Variants in PCNX1 observed in about 807,000 individuals in gnomAD.
The protein encoded by PCNX1 is pecanex-like protein 1.
Under a neutral mutation model 242.2 loss-of-function variants are expected in PCNX1, and 78 were observed. The observed-to-expected ratio is 0.32, with a 90% CI of 0.27 to 0.39. PCNX1 has a LOEUF of 0.39. PCNX1 is among the 10% of genes least tolerant of loss of function. The pLI, the probability that PCNX1 is intolerant of heterozygous loss-of-function variation, is 1.00. For synonymous variants in PCNX1, 1,024 were observed against 1,032.9 expected, an observed-to-expected ratio of 0.99 and a Z score of 0.17; for missense variants, 2,581 against 2,856.5, an observed-to-expected ratio of 0.90 and a Z score of 2.20.
chr14:71,070,481 C>T (rs2061560634), intron 26 of PCNX1, among the ~76,000 whole-genome samples: 2 of 152,176 alleles, frequency 1.3e-5, no homozygotes, highest in Non-Finnish European at 2.9e-5. Context: ...TTGACAGTTG[C>T]AGTTATTTCT....
At chr14:71,054,535 T>C (rs907718088) in intron 24 of PCNX1, among the ~76,000 whole-genome samples, 1 of 152,200 alleles carries the variant, frequency 6.6e-6, no homozygotes, top group Non-Finnish European at 1.5e-5. Flanking sequence ...TTGCCAGTTG[T>C]TTTCCTTGAA....
intron 1 of PCNX1, 68 bp downstream of exon 1, chr14:70,908,071 CCCTCTTCCTCTTCCACGGGGTCTCGT>C (rs1238420642): frequency 2.8e-6 from 4 of 1,423,380 alleles, no homozygotes; most frequent in Non-Finnish European, 3.7e-6. Flanking sequence ...TGGGGTCGCG[CCCTCTTCCTCTTCCACGGGGTCTCGT>C]CCCCCGGGGG....
chr14:71,057,853 TAAAGAG>T (rs955201212), intron 26 of PCNX1, 129 bp downstream of exon 26: 67 of 700,964 alleles, frequency 9.6e-5, no homozygotes, highest in African/African-American at 8.5e-4. Flanking sequence ...GAAAAGTTGT[TAAAGAG>T]TAAGTATTAG....
At chr14:71,034,562 T>C (rs1244463894) in intron 18 of PCNX1, among the ~76,000 whole-genome samples, 1 of 152,200 alleles carries the variant, frequency 6.6e-6, no homozygotes, top group African/African-American at 2.4e-5. Context: ...TCTAATTTGG[T>C]GAATTGTAAT....
Position 71,102,133 on chromosome 14 carries a change from T to A in PCNX1, c.5733T>A (p.Leu1911=), listed in dbSNP as rs770201684. The A allele has an allele frequency of 6.2e-7, 1 of 1,614,120 alleles. No homozygotes were observed. The change falls in exon 31 of 36, where the codon CTT becomes CTA. Residue 1911 remains leucine (L), a synonymous_variant. Transcript: ENST00000304743. ...TACTTGCCAACTCTCCCTCCTTGCT[T>A]GCTCTGCGGCATGTCATGGATGATG... ...SAVLANSPSL[L]ALRHVMDDGT...
intron 19 of PCNX1, among the ~76,000 whole-genome samples, chr14:71,040,495 T>G (rs2141031192): frequency 6.6e-6 from 1 of 152,286 alleles, no homozygotes; most frequent in South Asian, 2.1e-4. Flanking sequence ...TTCATTAAAT[T>G]TGGAAAATTT....
chr14:70,917,957 CTT>C (rs1345188988), intron 1 of PCNX1, among the ~76,000 whole-genome samples: 1 of 152,110 alleles, frequency 6.6e-6, no homozygotes, highest in Non-Finnish European at 1.5e-5. Flanking sequence ...TTCATGTAAA[CTT>C]TTATGTTATG....
At chr14:71,089,145 G>A in intron 29 of PCNX1, 47 bp from the exon 30 acceptor site, 2 of 1,447,974 alleles carry the variant, frequency 1.4e-6, no homozygotes, top group Middle Eastern at 1.8e-4. Context: ...CAGTGTCATG[G>A]AAGACCTTTG....
intron 8 of PCNX1, among the ~76,000 whole-genome samples, chr14:70,997,507 C>T (rs1179680013): frequency 6.6e-6 from 1 of 152,148 alleles, no homozygotes; most frequent in East Asian, 1.9e-4. Context: ...AAAATACTTA[C>T]ATATGAACTG....
intron 7 of PCNX1, among the ~76,000 whole-genome samples, chr14:70,994,398 T>TATATATATATATATAG (rs1566672819): frequency 3.8e-5 from 1 of 26,022 alleles, no homozygotes; most frequent in Non-Finnish European, 7.6e-5. Flanking sequence ...AGGCTTAAGA[T>TATATATATATATATAG]ATATATATAT....
At chr14:70,955,307 G>C (rs775908293) in intron 2 of PCNX1, among the ~76,000 whole-genome samples, 1 of 152,112 alleles carries the variant, frequency 6.6e-6, no homozygotes, top group Non-Finnish European at 1.5e-5. Context: ...ATTTTAGGCT[G>C]TTTTCTGAGA....
At chr14:71,038,903 T>C (rs2060624345) in intron 19 of PCNX1, among the ~76,000 whole-genome samples, 1 of 151,338 alleles carries the variant, frequency 6.6e-6, no homozygotes, top group Non-Finnish European at 1.5e-5. Flanking sequence ...TAAAAAATGA[T>C]GAGTTCATGT....
chr14:70,922,708 T>C (rs2056425396), intron 1 of PCNX1, among the ~76,000 whole-genome samples: 1 of 151,860 alleles, frequency 6.6e-6, no homozygotes, highest in Non-Finnish European at 1.5e-5. Flanking sequence ...TTTAGAGTAA[T>C]CCATTGTATA....
At chr14:71,023,935 G>A (rs1471942174) in intron 13 of PCNX1, among the ~76,000 whole-genome samples, 1 of 152,078 alleles carries the variant, frequency 6.6e-6, no homozygotes, top group East Asian at 1.9e-4. Flanking sequence ...AGAGGCAAGT[G>A]TGGTTTTTGT....
intron 1 of PCNX1, among the ~76,000 whole-genome samples, chr14:70,924,078 A>G (rs542509550): frequency 6.6e-6 from 1 of 152,016 alleles, no homozygotes; most frequent in African/African-American, 2.4e-5. Context: ...AAAAAGTACA[A>G]AAAATTACCT....
intron 11 of PCNX1, among the ~76,000 whole-genome samples, chr14:71,016,629 C>T (rs2059968179): frequency 6.6e-6 from 1 of 152,092 alleles, no homozygotes; most frequent in African/African-American, 2.4e-5. Context: ...TTCTAAATAA[C>T]CCATGGATTA....
intron 24 of PCNX1, among the ~76,000 whole-genome samples, chr14:71,054,418 A>G (rs2061124793): frequency 6.6e-6 from 1 of 152,224 alleles, no homozygotes; most frequent in Non-Finnish European, 1.5e-5. Context: ...CCAATCGGAA[A>G]GAAATTTTAA....
intron 23 of PCNX1, 55 bp downstream of exon 23, chr14:71,050,815 T>C: frequency 6.6e-7 from 1 of 1,510,746 alleles, no homozygotes; most frequent in Non-Finnish European, 9.1e-7. Flanking sequence ...TAGATAAGAA[T>C]GTTGGTTTAT....
chr14:71,032,066 G>GA (rs1428731236), intron 16 of PCNX1: 3 of 541,646 alleles, frequency 5.5e-6, no homozygotes, highest in Non-Finnish European at 1.0e-5. Flanking sequence ...CAAAGAAGAA[G>GA]AGAGAGAGAG....
Sources: allele counts gnomAD v4.1 joint callset (sites outside exome capture counted in the v4.1 genomes callset), GRCh38; gene constraint gnomAD v4.1.1; transcripts MANE v1.5; gene names NCBI Gene and HGNC (gene_info 2026-07-23, HGNC 2026-07-21).